Variants in SUPT3H observed in about 807,000 individuals in gnomAD.
SUPT3H encodes the protein SPT3 homolog, SAGA and STAGA complex component.
A neutral mutation model predicts 44.3 loss-of-function variants in SUPT3H; 44 were observed. The ratio of observed to expected loss-of-function variants is 0.99; its 90% CI spans 0.78 to 1.28. The LOEUF (loss-of-function observed/expected upper bound fraction) is 1.28. Among genes scored for constraint, SUPT3H ranks in the 50% most tolerant of loss-of-function variants. SUPT3H has a pLI of 0.00. For synonymous variants in SUPT3H, 124 were observed against 125.6 expected (o/e 0.99, Z 0.09); for missense variants, 380 against 387.1 (o/e 0.98, Z 0.15).
At chr6:45,244,249 A>G (rs1770940738) in intron 2 of SUPT3H, among the ~76,000 whole-genome samples, 1 of 152,204 alleles carries the variant, frequency 6.6e-6, no homozygotes, top group Non-Finnish European at 1.5e-5. Flanking sequence ...AGGAGCCATT[A>G]CAACCAATCA....
At chr6:45,294,585 C>A (rs533994080) in intron 2 of SUPT3H, among the ~76,000 whole-genome samples, 1 of 152,070 alleles carries the variant, frequency 6.6e-6, no homozygotes, top group African/African-American at 2.4e-5. Context: ...ACCCTAAAGC[C>A]TCCTCCAGAA....
rs1049834658 is a variant in SUPT3H, at chr6:44,870,774, C to T, written c.913-40917G>A. On this transcript the variant is annotated intron_variant, in intron 10 of 10. Transcript: ENST00000371459. ...ACTAGGGAGTGCCAGAGAGTGGGCG[C>T]AGGCCAGTGTGTGCGCGCACCCTGC... Among the ~76,000 whole-genome samples, 22 of 150,830 alleles carry T rather than the reference C, an allele frequency of 1.5e-4. No individual in the cohort carries two copies. In the East Asian group the frequency reaches 3.9e-3, roughly 27 times the overall value.
intron 2 of SUPT3H, among the ~76,000 whole-genome samples, chr6:45,318,389 AAATCCT>A (rs1378096817): frequency 1.4e-4 from 21 of 152,106 alleles, no homozygotes; most frequent in Non-Finnish European, 2.9e-4. Context: ...CATAAAGAAA[AAATCCT>A]AATGTAAACT....
At chr6:44,890,327 T>TTA (rs1009475534) in intron 10 of SUPT3H, among the ~76,000 whole-genome samples, 22 of 151,418 alleles carry the variant, frequency 1.5e-4, no homozygotes, top group African/African-American at 5.3e-4. Context: ...TATTGCGGCA[T>TTA]TATTCACAAT....
chr6:44,906,065 C>T (rs6904584), intron 10 of SUPT3H, among the ~76,000 whole-genome samples: 18,357 of 152,048 alleles, frequency 0.12, 1,446 homozygotes, highest in East Asian at 0.27. Context: ...AGGAGATATA[C>T]CTAATGTTAA....
At chr6:45,046,647 A>G (rs1370492893) in intron 3 of SUPT3H, among the ~76,000 whole-genome samples, 1 of 152,162 alleles carries the variant, frequency 6.6e-6, no homozygotes, top group African/African-American at 2.4e-5. Flanking sequence ...GCTTTACTAT[A>G]GGTTTACAGT....
At chr6:45,326,536 TGATAAATCCATAGTTAAAATAAAACAC>T (rs1183687690) in intron 2 of SUPT3H, among the ~76,000 whole-genome samples, 1 of 151,984 alleles carries the variant, frequency 6.6e-6, no homozygotes, top group Admixed American at 6.6e-5. Flanking sequence ...CAATAAGGCA[TGATAAATCCATAGTTAAAATAAAACAC>T]CAAAATGTAT....
At chr6:45,124,872 C>G (rs959710193) in intron 2 of SUPT3H, among the ~76,000 whole-genome samples, 1 of 151,996 alleles carries the variant, frequency 6.6e-6, no homozygotes, top group Non-Finnish European at 1.5e-5. Context: ...TTAGGGTAGG[C>G]TCTAGACGAA....
intron 2 of SUPT3H, among the ~76,000 whole-genome samples, chr6:45,192,214 G>A (rs527383115): frequency 6.6e-6 from 1 of 152,224 alleles, no homozygotes; most frequent in South Asian, 2.1e-4. Context: ...GTCATCTGAT[G>A]AAAGGAGAAG....
chr6:44,959,180 G>A (rs898663481), intron 7 of SUPT3H, among the ~76,000 whole-genome samples: 1 of 151,994 alleles, frequency 6.6e-6, no homozygotes, highest in Non-Finnish European at 1.5e-5. Flanking sequence ...GTGAGCCACC[G>A]TGCCTAGCCA....
At chr6:45,325,339 T>C (rs947231738) in intron 2 of SUPT3H, among the ~76,000 whole-genome samples, 3 of 151,848 alleles carry the variant, frequency 2.0e-5, no homozygotes, top group Admixed American at 6.6e-5. Flanking sequence ...GATCATTAGT[T>C]AAGAAAATAA....
chr6:44,829,894 A>G (rs1768307590), intron 10 of SUPT3H, 37 bp from the exon 11 acceptor site: 1 of 1,607,254 alleles, frequency 6.2e-7, no homozygotes, highest in Non-Finnish European at 8.5e-7. Context: ...GAATTATCAC[A>G]TGAAGTCAAA....
intron 6 of SUPT3H, among the ~76,000 whole-genome samples, chr6:44,977,336 C>T (rs1778470382): frequency 6.6e-6 from 1 of 152,164 alleles, no homozygotes; most frequent in Non-Finnish European, 1.5e-5. Context: ...TTTATGTATA[C>T]TGCCTTATTT....
chr6:44,872,706 G>A (rs376879790), intron 10 of SUPT3H, among the ~76,000 whole-genome samples: 7 of 52,096 alleles, frequency 1.3e-4, no homozygotes, highest in Admixed American at 7.8e-4. Flanking sequence ...AGACTGGCAA[G>A]TTGGATAAAG....
chr6:45,048,188 A>G (rs1224779966), intron 3 of SUPT3H, among the ~76,000 whole-genome samples: 1 of 102,236 alleles, frequency 9.8e-6, no homozygotes, highest in African/African-American at 4.4e-5. Context: ...GCTTGCGAAT[A>G]TTTTCTCTCA....
chr6:45,240,330 T>C (rs541509542), intron 2 of SUPT3H, among the ~76,000 whole-genome samples: 14 of 152,290 alleles, frequency 9.2e-5, no homozygotes, highest in African/African-American at 3.4e-4. Flanking sequence ...CGGTGGTCAC[T>C]ACTGCCGTGA....
intron 3 of SUPT3H, among the ~76,000 whole-genome samples, chr6:45,041,232 G>A (rs1347178004): frequency 6.6e-6 from 1 of 152,166 alleles, no homozygotes; most frequent in Non-Finnish European, 1.5e-5. Context: ...TCAGTTCACT[G>A]AAACTGCACT....
At chr6:44,977,708 T>A (rs1434049011) in intron 6 of SUPT3H, among the ~76,000 whole-genome samples, 1 of 152,160 alleles carries the variant, frequency 6.6e-6, no homozygotes, top group African/African-American at 2.4e-5. Context: ...ACTATACTAC[T>A]GACTTCTACA....
At chr6:45,327,631 C>T (rs144733162) in intron 2 of SUPT3H, among the ~76,000 whole-genome samples, 15 of 151,846 alleles carry the variant, frequency 9.9e-5, no homozygotes, top group South Asian at 2.1e-4. Flanking sequence ...ACTAGACAGA[C>T]GTGATTTAAA....
Sources: gnomAD v4.1 joint callset for allele counts (sites outside exome capture counted in the v4.1 genomes callset) on GRCh38, gnomAD v4.1.1 for gene constraint, MANE v1.5 for transcripts, NCBI Gene and HGNC (gene_info 2026-07-23, HGNC 2026-07-21) for gene names.